SUSD2: variants seen among roughly 807,000 people sequenced by gnomAD.
The protein encoded by SUSD2 is sushi domain-containing protein 2.
In SUSD2, 86 loss-of-function variants were observed where a neutral mutation model predicts 93.8. That is an observed-to-expected ratio of 0.92 (90% CI 0.77 to 1.10). SUSD2 has a LOEUF of 1.10. Ranked by LOEUF, SUSD2 falls within the 50% of genes least tolerant of loss-of-function variation. The probability of loss-of-function intolerance (pLI) is 0.00; values close to 1 mark genes in which losing one functional copy is unlikely to be tolerated. For missense variants in SUSD2, 1,060 were observed against 1,137.0 expected (o/e 0.93, Z 0.97); for synonymous variants, 483 against 485.0 (o/e 1.00, Z 0.05).
At position 24,186,316 on chromosome 22, in the gene SUSD2, G is replaced by A. The variant is rs1569340706; in HGVS notation, c.1543G>A (p.Val515Met). The change falls in exon 10 of 15, where the codon GTG becomes ATG. Residue 515 changes from valine to methionine, a missense_variant. Around this residue, in one of 2 missense-constraint regions of SUSD2, gnomAD observed 973 missense variants for 1,005.3 expected, o/e 0.97. Transcript: ENST00000358321. ...AVAVQEGNSD[V>M]VEVRLANRTG... ...GGCCGTCCAGGAGGGCAACTCAGAT[G>A]TGGTGGAAGTCAGGCTGGCCAACAG... 1.2e-6 allele frequency: 2 copies of A among 1,613,970 alleles called. No homozygotes were observed. Among genetic ancestry groups the A allele is most frequent in the Non-Finnish European group, 1.7e-6 (2 of 1,180,024 alleles).
In SUSD2 at chr22:24,188,884, G is replaced by A. The variant is rs184384293; in HGVS notation, c.*448G>A. On this transcript the variant is annotated 3_prime_UTR_variant, in exon 15 of 15. Coordinates refer to ENST00000358321, the MANE Select transcript of SUSD2 (RefSeq NM_019601.4). The surrounding 1 kb of genome is among the most constrained non-coding windows in gnomAD (Gnocchi z 4.7). ...ACGGAGGCCTGCTCCCGGACCGTGC[G>A]GGCACCAGTGCAGTGCTGCCTTGGT... 3.6e-4 allele frequency: 61 copies of A among 169,464 alleles called. 1 individual carries two copies. In the East Asian group the frequency reaches 7.6e-3, roughly 21 times the overall value. The allele number at this position is 169,464 out of a possible 1,614,324, so 10.5% of individuals were successfully genotyped here. A position where few individuals can be genotyped will look rare whatever the true frequency, so the allele number is the denominator to read the frequency against.
Position 24,186,152 on chromosome 22 carries a change from G to A in SUSD2, c.1476G>A (p.Met492Ile). 1 of 1,609,332 alleles carries A rather than the reference G, an allele frequency of 6.2e-7. No individual in the cohort carries two copies. Among genetic ancestry groups the A allele is most frequent in the Admixed American group, 1.7e-5 (1 of 59,672 alleles). The stretch of plus-strand genomic sequence containing the variant: ...AGGCGCGGGCCCAGCCCGGGACGAT[G>A]TCCAACGGTGAGGCCAGGGCTAGGG... ...RVQARAQPGT[M>I]SNGTETRGTG... Residue 492 changes from methionine to isoleucine, a missense_variant, in exon 9 of 15, where the codon ATG becomes ATA. Transcript: ENST00000358321.
rs1301185346 is a variant in SUSD2 at position 24,183,665 on chromosome 22, C to T, written c.439+19C>T. ...CTGGCTGGTGAGCCCTCCTCCCTGCCCACAGCCTGCCCCCACGGGGACTTT... is the reference window on the plus strand; with the variant it reads ...CTGGCTGGTGAGCCCTCCTCCCTGCTCACAGCCTGCCCCCACGGGGACTTT... On this transcript the variant is annotated intron_variant, in intron 3 of 14. Coordinates refer to ENST00000358321, the MANE Select transcript of SUSD2 (RefSeq NM_019601.4). 1 of 1,605,588 alleles carries T rather than the reference C, an allele frequency of 6.2e-7. No homozygotes were observed. Among genetic ancestry groups the T allele is most frequent in the Non-Finnish European group, 8.5e-7 (1 of 1,178,662 alleles).
At position 24,181,499 on chromosome 22, in the gene SUSD2, G is replaced by GCTGCAGAC. The variant is rs2047325439; in HGVS notation, c.-20_-13dup. On this transcript the variant is annotated 5_prime_UTR_variant, in exon 1 of 15. Transcript: ENST00000358321. ...TCGCCTCGGAGCCACTGCACTGCTGGCTGCAGACACAGGCTGCACCATGAA... is the reference window on the plus strand; with the variant it reads ...TCGCCTCGGAGCCACTGCACTGCTGGCTGCAGACCTGCAGACACAGGCTGCACCATGAA... 4.5e-6 allele frequency: 7 copies of GCTGCAGAC among 1,547,586 alleles called. No homozygotes were observed. Among genetic ancestry groups the GCTGCAGAC allele is most frequent in the Non-Finnish European group, 6.1e-6 (7 of 1,149,000 alleles).
rs779714443 is a variant in SUSD2, at chr22:24,185,884, C to T, written c.1294C>T (p.Arg432Trp). The stretch of plus-strand genomic sequence containing the variant: ...ACCCGACTGCCCCCGCTACATGCAA[C>T]GGCGGCCCTCCAATGACTGCCGCAA... ...WAPDCPRYMQ[R>W]RPSNDCRNYR... is the part of the protein sequence containing the mutation. The change falls in exon 8 of 15, where the codon CGG becomes TGG. Residue 432 changes from arginine (R) to tryptophan (W), a missense_variant. By Grantham distance (101) the Arg-to-Trp change is moderately radical. Around this residue, in one of 2 missense-constraint regions of SUSD2, gnomAD observed 973 missense variants for 1,005.3 expected, o/e 0.97. Transcript: ENST00000358321. The T allele has an allele frequency of 2.0e-5, 31 of 1,584,520 alleles. No homozygotes were observed. The highest frequency in any genetic ancestry group is 2.7e-5 in the African/African-American group (2 of 74,204).
chr22:24,187,960 G>T lies in SUSD2; in HGVS notation c.2166G>T (p.Val722=). The change falls in exon 13 of 15, where the codon GTG becomes GTT. Residue 722 remains valine (V), a splice_region_variant and synonymous_variant. Transcript: ENST00000358321. ...GTCTGCACTCTGTCCCCATCCCAGT[G>T]GTGTCCTGTGGCTGGCTGGCCCCAC... ...HQRRMQSLQP[V]VSCGWLAPPP... 6.2e-7 allele frequency: 1 copy of T among 1,612,790 alleles called. No homozygotes were observed. Among genetic ancestry groups the T allele is most frequent in the South Asian group, 1.1e-5 (1 of 91,052 alleles).
At chr22:24,182,797 G>A in intron 1 of SUSD2, 1 of 494,934 alleles carries the variant, frequency 2.0e-6, no homozygotes, top group South Asian at 2.4e-5. Flanking sequence ...CTGAGCGGAT[G>A]CAGCTTTTTG....
In SUSD2 at chr22:24,183,594, T is replaced by C; in HGVS notation, c.387T>C (p.Thr129=). 6.2e-7 allele frequency: 1 copy of C among 1,613,290 alleles called. No individual in the cohort carries two copies. The highest frequency in any genetic ancestry group is 8.5e-7 in the Non-Finnish European group (1 of 1,179,990). Residue 129 remains threonine, a synonymous_variant, in exon 3 of 15, where the codon ACT becomes ACC. Transcript: ENST00000358321. The part of the protein sequence containing the change: ...LLYESGRIPF[T]VSLDNGHSFP... Reference sequence around the variant, plus strand: ...ATGAGAGCGGCCGCATCCCCTTCACTGTGTCACTGGACAACGGCCACTCCT... The same window carrying C: ...ATGAGAGCGGCCGCATCCCCTTCACCGTGTCACTGGACAACGGCCACTCCT...
intron 1 of SUSD2, 111 bp from the exon 2 acceptor site, chr22:24,182,943 TCTC>T (rs1266321562): frequency 1.2e-6 from 1 of 860,674 alleles, no homozygotes; most frequent in Non-Finnish European, 1.8e-6. Context: ...TGGCCAGCGT[TCTC>T]CTGGGGATGC....
rs923843738 is a variant in SUSD2, at chr22:24,186,391, G to C, written c.1618G>C (p.Glu540Gln). The change falls in exon 10 of 15, where the codon GAG becomes CAG. Residue 540 changes from glutamate (E) to glutamine (Q), a missense_variant. By Grantham distance (29) the Glu-to-Gln change is conservative (BLOSUM62 2). This residue lies in a region of SUSD2 where 973 missense variants were observed against 1,005.3 expected (regional missense o/e 0.97). Coordinates refer to ENST00000358321, the MANE Select transcript of SUSD2 (RefSeq NM_019601.4). Reference protein sequence around the residue: ...LLNQEVLSFTEQSWMDLKGMF... With the variant: ...LLNQEVLSFTQQSWMDLKGMF... ...GAACCAGGAGGTGCTGAGCTTCACC[G>C]AGCAGAGCTGGATGGACCTGAAAGG... is the stretch of plus-strand genomic sequence containing the variant. 1 of 1,613,554 alleles carries C rather than the reference G, an allele frequency of 6.2e-7. No individual in the cohort carries two copies. Among genetic ancestry groups the C allele is most frequent in the Non-Finnish European group, 8.5e-7 (1 of 1,180,030 alleles).
chr22:24,181,711 G>A (rs2047327037), intron 1 of SUSD2, 116 bp downstream of exon 1: 1 of 789,712 alleles, frequency 1.3e-6, no homozygotes, highest in Non-Finnish European at 1.9e-6. Context: ...ATCTGTGGCT[G>A]TGCTAGGGGT....
In SUSD2 at chr22:24,188,552, G is replaced by A; in HGVS notation, c.*116G>A. The A allele has an allele frequency of 2.0e-6, 2 of 982,248 alleles. No homozygotes were observed. The highest frequency in any genetic ancestry group is 3.1e-6 in the Non-Finnish European group (2 of 649,402). The allele number at this position is 982,248 out of a possible 1,614,324, so 60.8% of individuals were successfully genotyped here. The stretch of plus-strand genomic sequence containing the variant: ...TGGGACCTGGATACTTGATACCTGG[G>A]CATTTAACCCCCTACTCTGTCATCT... On this transcript the variant is annotated 3_prime_UTR_variant, in exon 15 of 15. Coordinates refer to ENST00000358321, the MANE Select transcript of SUSD2 (RefSeq NM_019601.4). This position sits in a 1 kb window ranked among gnomAD's most constrained non-coding sequence, Gnocchi z 4.7.
rs139630528 is a variant in SUSD2 at position 24,183,625 on chromosome 22, C to T, written c.418C>T (p.Arg140Cys). 133 of 1,612,180 alleles carry T rather than the reference C, an allele frequency of 8.2e-5. No individual in the cohort carries two copies. Among genetic ancestry groups the T allele is most frequent in the Non-Finnish European group, 1.1e-4 (125 of 1,179,950 alleles). Residue 140 changes from arginine to cysteine, a missense_variant, in exon 3 of 15, where the codon CGT (arginine) becomes TGT (cysteine). Arg to Cys is a radical substitution (Grantham distance 180). Coordinates refer to ENST00000358321, the MANE Select transcript of SUSD2 (RefSeq NM_019601.4). ...ACTGGACAACGGCCACTCCTTCCCT[C>T]GTGCGGGCACCTGGCTGGCTGGTGA... ...VSLDNGHSFP[R>C]AGTWLAVHPN...
At chr22:24,184,107 C>T in intron 3 of SUSD2, 29 bp from the exon 4 acceptor site, 8 of 1,610,216 alleles carry the variant, frequency 5.0e-6, no homozygotes, top group Non-Finnish European at 6.8e-6. Flanking sequence ...GGCCCAGGCC[C>T]TCACTCACCC....
Position 24,188,278 on chromosome 22 carries a change from GC to G in SUSD2, c.2396del (p.Ala799GlyfsTer106). On this transcript the variant is annotated frameshift_variant, in exon 14 of 15. Coordinates refer to ENST00000358321, the MANE Select transcript of SUSD2 (RefSeq NM_019601.4). LOFTEE classifies it low-confidence loss of function (END_TRUNC). The surrounding 1 kb of genome is among the most constrained non-coding windows in gnomAD (Gnocchi z 4.7). ...GIIFGGLAVV[A>X]AVALVYVLLR... Reference sequence around the variant, plus strand: ...CATCTTTGGGGGCCTCGCGGTGGTGGCGGCGGTTGCGCTCGTCTATGTGCTG... The same window carrying G: ...CATCTTTGGGGGCCTCGCGGTGGTGGGGCGGTTGCGCTCGTCTATGTGCTG... 6.2e-7 allele frequency: 1 copy of G among 1,604,676 alleles called. No homozygotes were observed. Among genetic ancestry groups the G allele is most frequent in the Non-Finnish European group, 8.5e-7 (1 of 1,175,350 alleles).
Position 24,181,575 on chromosome 22 carries a change from C to G in SUSD2, c.56C>G (p.Pro19Arg). 1 of 1,600,128 alleles carries G rather than the reference C, an allele frequency of 6.2e-7. No individual in the cohort carries two copies. The highest frequency in any genetic ancestry group is 8.5e-7 in the Non-Finnish European group (1 of 1,175,372). The change falls in exon 1 of 15, where the codon CCG becomes CGG. Residue 19 changes from proline (P) to arginine (R), a missense_variant. Pro to Arg is a moderately radical substitution (Grantham distance 103). Transcript: ENST00000358321. ...ALLLLATALGPGPGPTADAQE... is the reference protein window; with the variant it reads ...ALLLLATALGRGPGPTADAQE... ...CTGCTGCTGGCGACAGCCCTCGGCC[C>G]GGGCCCCGGACCCACAGCAGGTATG... is the stretch of plus-strand genomic sequence containing the variant.
At chr22:24,182,907 G>T in intron 1 of SUSD2, 150 bp from the exon 2 acceptor site, 1 of 631,846 alleles carries the variant, frequency 1.6e-6, no homozygotes, top group Middle Eastern at 4.3e-4. Flanking sequence ...TTTCTACTGT[G>T]TCCACCTGGT....
At chr22:24,185,981 G>C (rs1403118156) in intron 8 of SUSD2, 35 bp from the exon 9 acceptor site, 1 of 1,583,740 alleles carries the variant, frequency 6.3e-7, no homozygotes, top group Non-Finnish European at 8.6e-7. Flanking sequence ...CTGGGCTGGG[G>C]TGCACCCCCA....
Position 24,186,275 on chromosome 22 carries a change from C to A in SUSD2, c.1502C>A (p.Thr501Asn). Residue 501 changes from threonine (T) to asparagine (N), a missense_variant, in exon 10 of 15, where the codon ACT (threonine) becomes AAT (asparagine). This residue lies in a region of SUSD2 where 973 missense variants were observed against 1,005.3 expected (regional missense o/e 0.97). Coordinates refer to ENST00000358321, the MANE Select transcript of SUSD2 (RefSeq NM_019601.4). ...TMSNGTETRG[T>N]GLTAVAVQEG... ...ACCGCAGGCACGGAGACCCGTGGCA[C>A]TGGGCTGACCGCAGTGGCCGTCCAG... 1 of 1,613,612 alleles carries A rather than the reference C, an allele frequency of 6.2e-7. No homozygotes were observed. Among genetic ancestry groups the A allele is most frequent in the African/African-American group, 1.3e-5 (1 of 75,078 alleles).
Sources: gnomAD v4.1 joint callset for allele counts on GRCh38, gnomAD v4.1.1 for gene constraint, gnomAD v4.1.1 regional missense constraint, Gnocchi (gnomAD v3.1) non-coding constraint, MANE v1.5 for transcripts, NCBI Gene and HGNC (gene_info 2026-07-23, HGNC 2026-07-21) for gene names.